PTPRD: variants seen among roughly 807,000 people sequenced by gnomAD.
PTPRD encodes the protein receptor-type tyrosine-protein phosphatase delta.
Under a neutral mutation model 214.5 loss-of-function variants are expected in PTPRD, and 34 were observed. The observed-to-expected ratio is 0.16, with a 90% confidence interval of 0.12 to 0.21. The LOEUF (loss-of-function observed/expected upper bound fraction) is 0.21. PTPRD is among the 10% of genes least tolerant of loss of function. The pLI, the probability that PTPRD is intolerant of heterozygous loss-of-function variation, is 1.00. For missense variants in PTPRD, 2,545 were observed against 2,398.7 expected (o/e 1.06, Z -1.27); for synonymous variants, 1,128 against 845.7 (o/e 1.33, Z -5.79).
chr9:9,481,494 T>C (rs2095413563), intron 8 of PTPRD, among the ~76,000 whole-genome samples: 2 of 152,212 alleles, frequency 1.3e-5, no homozygotes, highest in Non-Finnish European at 2.9e-5. Flanking sequence ...TAGTGTCTAG[T>C]GCCCATAGTA....
chr9:9,452,194 C>G (rs924020577), intron 8 of PTPRD, among the ~76,000 whole-genome samples: 6 of 151,352 alleles, frequency 4.0e-5, no homozygotes, highest in Admixed American at 4.0e-4. Flanking sequence ...TAAGATGTGT[C>G]ATTTAAACCA....
chr9:10,055,181 C>T (rs948480247), intron 3 of PTPRD, among the ~76,000 whole-genome samples: 6 of 152,052 alleles, frequency 3.9e-5, no homozygotes, highest in African/African-American at 1.4e-4. Flanking sequence ...CTATTGTTTA[C>T]GCCACCTAGT....
In PTPRD at chr9:9,765,905, G is replaced by A. The variant is rs557772477; in HGVS notation, c.-326+905C>T. Among the ~76,000 whole-genome samples, 362 of 152,046 alleles carry A rather than the reference G, an allele frequency of 2.4e-3. 1 individual carries two copies. Among genetic ancestry groups the A allele is most frequent in the African/African-American group, 8.4e-3 (349 of 41,512 alleles). On this transcript the variant is annotated intron_variant, in intron 6 of 45. Transcript: ENST00000381196. ...TCTCGATCTCCTGACCTCGTGATCC[G>A]CCCGCCTCAGCCTCCCAAAGTGCTG...
chr9:9,467,639 C>A (rs1227859297), intron 8 of PTPRD, among the ~76,000 whole-genome samples: 1 of 134,990 alleles, frequency 7.4e-6, no homozygotes, highest in Non-Finnish European at 1.6e-5. Context: ...CATCTCTTAT[C>A]TTTCATAAAT....
intron 3 of PTPRD, among the ~76,000 whole-genome samples, chr9:10,314,615 T>C (rs538439341): frequency 6.6e-6 from 1 of 152,020 alleles, no homozygotes; most frequent in East Asian, 1.9e-4. Flanking sequence ...ATAGTAGTTT[T>C]CATTGTGTCA....
chr9:9,788,570 G>GA (rs796177432), intron 5 of PTPRD, among the ~76,000 whole-genome samples: 1,367 of 133,400 alleles, frequency 0.01, 23 homozygotes, highest in African/African-American at 0.035. Context: ...AAAAAAGAAA[G>GA]AAAAAAAAAA....
intron 2 of PTPRD, among the ~76,000 whole-genome samples, chr9:10,592,930 A>G (rs1279236423): frequency 6.6e-6 from 1 of 151,866 alleles, no homozygotes; most frequent in Non-Finnish European, 1.5e-5. Context: ...CCCCTTCCAC[A>G]CTGTGGAAGC....
intron 12 of PTPRD, among the ~76,000 whole-genome samples, chr9:8,639,209 G>A (rs1210287966): frequency 2.0e-5 from 3 of 152,092 alleles, no homozygotes; most frequent in Admixed American, 2.0e-4. Flanking sequence ...TCACTTTTCT[G>A]GAAACAAATG....
chr9:10,167,831 T>C (rs1471206089), intron 3 of PTPRD, among the ~76,000 whole-genome samples: 2 of 152,152 alleles, frequency 1.3e-5, no homozygotes, highest in East Asian at 1.9e-4. Flanking sequence ...TACTGTGTGA[T>C]AGAAGATAAA....
chr9:10,282,674 C>G (rs2095180961), intron 3 of PTPRD, among the ~76,000 whole-genome samples: 1 of 152,088 alleles, frequency 6.6e-6, no homozygotes, highest in Non-Finnish European at 1.5e-5. Flanking sequence ...CATCCCCCAA[C>G]TTACATAGAA....
chr9:8,633,674 A>G (rs1456003113), intron 13 of PTPRD, among the ~76,000 whole-genome samples: 2 of 152,088 alleles, frequency 1.3e-5, no homozygotes, highest in African/African-American at 4.8e-5. Flanking sequence ...TATGCAAAAC[A>G]TGGAGATTTC....
intron 10 of PTPRD, among the ~76,000 whole-genome samples, chr9:9,065,091 C>T (rs1042962234): frequency 2.6e-5 from 4 of 152,090 alleles, no homozygotes; most frequent in Admixed American, 2.6e-4. Flanking sequence ...GGGGATATAA[C>T]AATATATACA....
At chr9:9,978,688 G>C (rs2095442009) in intron 4 of PTPRD, among the ~76,000 whole-genome samples, 2 of 152,062 alleles carry the variant, frequency 1.3e-5, no homozygotes, top group South Asian at 4.1e-4. Flanking sequence ...TAGATATAAT[G>C]ACTGAGAATT....
At chr9:8,558,975 A>C (rs2085078419) in intron 14 of PTPRD, among the ~76,000 whole-genome samples, 1 of 152,212 alleles carries the variant, frequency 6.6e-6, no homozygotes, top group African/African-American at 2.4e-5. Context: ...AATAATATTC[A>C]CAAGAAGTAC....
At chr9:8,654,685 A>C (rs1013542307) in intron 12 of PTPRD, among the ~76,000 whole-genome samples, 3 of 152,334 alleles carry the variant, frequency 2.0e-5, no homozygotes, top group Non-Finnish European at 4.4e-5. Flanking sequence ...CATAAGCATT[A>C]AGGGTTATAA....
At chr9:8,685,239 T>A (rs1341909356) in intron 12 of PTPRD, among the ~76,000 whole-genome samples, 7 of 148,442 alleles carry the variant, frequency 4.7e-5, no homozygotes, top group African/African-American at 1.8e-4. Flanking sequence ...TACAAAGAAG[T>A]GCATAAATGT....
chr9:10,010,234 C>A (rs1018367355), intron 4 of PTPRD, among the ~76,000 whole-genome samples: 2 of 151,786 alleles, frequency 1.3e-5, no homozygotes, highest in African/African-American at 4.8e-5. Flanking sequence ...ACACCATGAC[C>A]TCAGGGCAAA....
At chr9:9,953,079 G>A (rs1251014383) in intron 4 of PTPRD, among the ~76,000 whole-genome samples, 3 of 152,026 alleles carry the variant, frequency 2.0e-5, no homozygotes, top group African/African-American at 7.2e-5. Context: ...TGCAAAAGGT[G>A]GTGACCCACA....
intron 8 of PTPRD, among the ~76,000 whole-genome samples, chr9:9,500,684 A>T (rs912386296): frequency 1.3e-5 from 2 of 152,142 alleles, no homozygotes; most frequent in East Asian, 3.9e-4. Context: ...ATTTGGATCC[A>T]TAAGAAGAAA....
Sources: gnomAD v4.1 joint callset for allele counts (sites outside exome capture counted in the v4.1 genomes callset) on GRCh38, gnomAD v4.1.1 for gene constraint, MANE v1.5 for transcripts, NCBI Gene and HGNC (gene_info 2026-07-23, HGNC 2026-07-21) for gene names.